GRIK5: variants seen among roughly 807,000 people sequenced by gnomAD.
GRIK5 encodes glutamate receptor ionotropic, kainate 5.
GRIK5 carries 43 observed loss-of-function variants against 97.4 expected under a neutral mutation model. The observed-to-expected ratio is 0.44, with a 90% CI of 0.35 to 0.57. The LOEUF (loss-of-function observed/expected upper bound fraction) is 0.57. Ranked by LOEUF, GRIK5 falls within the 20% of genes least tolerant of loss-of-function variation. The probability of loss-of-function intolerance (pLI) is 0.01; values close to 1 mark genes in which losing one functional copy is unlikely to be tolerated. For missense variants in GRIK5, 1,015 were observed against 1,382.0 expected (o/e 0.73, Z 4.21); for synonymous variants, 580 against 583.5 (o/e 0.99, Z 0.09).
At chr19:42,045,868 A>G (rs1424806330) in intron 11 of GRIK5, among the ~76,000 whole-genome samples, 1 of 152,154 alleles carries the variant, frequency 6.6e-6, no homozygotes, top group East Asian at 1.9e-4. Context: ...AGTGGCTGAG[A>G]AGGACAAGTT....
chr19:42,013,472 C>T (rs1234599674), intron 15 of GRIK5, among the ~76,000 whole-genome samples: 1 of 127,718 alleles, frequency 7.8e-6, no homozygotes, highest in Non-Finnish European at 1.5e-5. Flanking sequence ...TGCAGTGGGG[C>T]GATCTCGGCT....
At chr19:42,048,631 AT>A (rs771851932) in intron 11 of GRIK5, among the ~76,000 whole-genome samples, 47 of 152,182 alleles carry the variant, frequency 3.1e-4, no homozygotes, top group African/African-American at 1.1e-3. Context: ...AAATAAAAAA[AT>A]AAACAAATAA....
At chr19:42,061,290 C>A (rs150667313) in intron 5 of GRIK5, among the ~76,000 whole-genome samples, 24 of 152,296 alleles carry the variant, frequency 1.6e-4, no homozygotes, top group Non-Finnish European at 3.4e-4. Flanking sequence ...ATGATTCGCC[C>A]GCCTCGGCCT....
chr19:42,062,564 G>A lies in GRIK5; in HGVS notation c.432C>T (p.Asp144=), dbSNP rs150138839. 4,094 of 1,614,060 alleles carry A rather than the reference G, an allele frequency of 2.5e-3. 12 individuals carry two copies. Among genetic ancestry groups the A allele is most frequent in the Non-Finnish European group, 3.2e-3 (3,822 of 1,180,032 alleles). The part of the protein sequence containing the change: ...ASVSLYPSNE[D]VSLAVSRILK... ...GGATTCGGGAGACCGCCAAGCTGACGTCCTCGTTACTGGGGTACAGGCTGA... is the reference window on the plus strand; with the variant it reads ...GGATTCGGGAGACCGCCAAGCTGACATCCTCGTTACTGGGGTACAGGCTGA... Residue 144 remains aspartate (D), a synonymous_variant, in exon 5 of 20, where the codon GAC becomes GAT. Coordinates refer to ENST00000593562, the MANE Select transcript of GRIK5 (RefSeq NM_002088.5). This position sits in a 1 kb window ranked among gnomAD's most constrained non-coding sequence, Gnocchi z 5.3.
intron 19 of GRIK5, chr19:42,001,910 C>T (rs1555870972): frequency 1.4e-5 from 8 of 564,670 alleles, no homozygotes; most frequent in Admixed American, 9.9e-5. Context: ...GGAGAAAGAC[C>T]GAGAAGAGAA....
Position 42,002,003 on chromosome 19 carries a change from G to T in GRIK5, c.2514+1329C>A. 1 of 621,440 alleles carries T rather than the reference G, an allele frequency of 1.6e-6. No homozygotes were observed. The allele number at this position is 621,440 out of a possible 1,614,324, so 38.5% of individuals were successfully genotyped here. A position where few individuals can be genotyped will look rare whatever the true frequency, so the allele number is the denominator to read the frequency against. On this transcript the variant is annotated intron_variant, in intron 19 of 19. Transcript: ENST00000593562. The surrounding 1 kb of genome is among the most constrained non-coding windows in gnomAD (Gnocchi z 5.2). ...AAACCCAACGAGGGAGCCTGGGAAGGAGTGACCGGAGAAGTGGGAGAAGGG... is the reference window on the plus strand; with the variant it reads ...AAACCCAACGAGGGAGCCTGGGAAGTAGTGACCGGAGAAGTGGGAGAAGGG...
chr19:42,068,533 G>A (rs2076373743), intron 1 of GRIK5: 2 of 397,400 alleles, frequency 5.0e-6, no homozygotes, highest in Non-Finnish European at 8.9e-6. Flanking sequence ...GGGGGAAAGA[G>A]GTGGAAAAGT....
intron 7 of GRIK5, 21 bp from the exon 8 acceptor site, chr19:42,056,844 T>C (rs1281377414): frequency 1.2e-6 from 2 of 1,613,740 alleles, no homozygotes; most frequent in African/African-American, 1.3e-5. Flanking sequence ...GAAGAGGTGG[T>C]GAGGCCTGGG....
intron 11 of GRIK5, among the ~76,000 whole-genome samples, chr19:42,047,461 G>A (rs1238360698): frequency 6.6e-6 from 1 of 151,922 alleles, no homozygotes; most frequent in African/African-American, 2.4e-5. Context: ...AAAACTGGGG[G>A]TTTACCCTGC....
chr19:42,000,466 A>G (rs941372224), intron 19 of GRIK5, among the ~76,000 whole-genome samples: 3 of 152,216 alleles, frequency 2.0e-5, no homozygotes, highest in Non-Finnish European at 2.9e-5. Flanking sequence ...AAGCTCCAAT[A>G]TTTTGGCCCG....
rs1039403770 is a variant in GRIK5, at chr19:42,002,254, G to C, written c.2514+1078C>G. 4.2e-6 allele frequency: 3 copies of C among 717,672 alleles called. No homozygotes were observed. The Admixed American group carries it at 6.0e-5, about 14-fold the overall frequency. The allele number at this position is 717,672 out of a possible 1,614,324, so 44.5% of individuals were successfully genotyped here. A position where few individuals can be genotyped will look rare whatever the true frequency, so the allele number is the denominator to read the frequency against. ...AGGGAGACCCCCCACTGCTGCCAAG[G>C]CTGTAAAGAGAAGGGAAGAAAGTGG... On this transcript the variant is annotated intron_variant, in intron 19 of 19. Transcript: ENST00000593562. The surrounding 1 kb of genome is among the most constrained non-coding windows in gnomAD (Gnocchi z 5.2).
At chr19:42,027,639 C>A (rs1324254915) in intron 12 of GRIK5, among the ~76,000 whole-genome samples, 1 of 152,102 alleles carries the variant, frequency 6.6e-6, no homozygotes, top group Non-Finnish European at 1.5e-5. Flanking sequence ...ACTGCAGATG[C>A]CCATCACAGT....
Position 42,003,332 on chromosome 19 carries a change from C to T in GRIK5, c.2514G>A (p.Glu838=). The T allele has an allele frequency of 6.2e-7, 1 of 1,612,398 alleles. No individual in the cohort carries two copies. Among genetic ancestry groups the T allele is most frequent in the Non-Finnish European group, 8.5e-7 (1 of 1,179,306 alleles). ...WSTRRSAESE[E]VSVCQEMLQE... ...CCACCCCCACCCCCAGCCTCCTCAC[C>T]TCCTCGGACTCAGCTGACCTCCGTG... The change falls in exon 19 of 20, where the codon GAG becomes GAA. Residue 838 remains glutamate, a splice_region_variant and synonymous_variant. Coordinates refer to ENST00000593562, the MANE Select transcript of GRIK5 (RefSeq NM_002088.5). The surrounding 1 kb of genome is among the most constrained non-coding windows in gnomAD (Gnocchi z 4.2).
intron 9 of GRIK5, 101 bp downstream of exon 9, chr19:42,054,219 G>A: frequency 7.8e-7 from 1 of 1,283,456 alleles, no homozygotes; most frequent in Non-Finnish European, 1.1e-6. Context: ...GGTACGGTGG[G>A]AAGAGCAGGG....
At chr19:42,048,137 C>T (rs766393452) in intron 11 of GRIK5, among the ~76,000 whole-genome samples, 6 of 151,904 alleles carry the variant, frequency 3.9e-5, no homozygotes, top group Non-Finnish European at 5.9e-5. Context: ...GGGGTATACA[C>T]GGAATTCTTA....
At chr19:42,026,013 C>T (rs1345426585) in intron 12 of GRIK5, among the ~76,000 whole-genome samples, 3 of 152,188 alleles carry the variant, frequency 2.0e-5, no homozygotes, top group Non-Finnish European at 4.4e-5. Flanking sequence ...TTTTTAGAGA[C>T]AGTGTCTTGC....
intron 3 of GRIK5, among the ~76,000 whole-genome samples, chr19:42,063,945 T>C (rs1387591352): frequency 6.6e-6 from 1 of 152,208 alleles, no homozygotes; most frequent in Non-Finnish European, 1.5e-5. Context: ...TCCTCCAAAC[T>C]GGCTCCTTCT....
At position 42,050,487 on chromosome 19, in the gene GRIK5, G is replaced by A. The variant is rs368483171; in HGVS notation, c.1269+3115C>T. Among the ~76,000 whole-genome samples the A allele has an allele frequency of 8.6e-5, 13 of 151,690 alleles. No individual in the cohort carries two copies. In the East Asian group the frequency reaches 9.8e-4, roughly 11 times the overall value. On this transcript the variant is annotated intron_variant, in intron 11 of 19. Transcript: ENST00000593562. Reference sequence around the variant, plus strand: ...ATCCTGGCTAACACGGTGAAACCCCGTCTCTACTAAAAATACAAAAAAAAG... The same window carrying A: ...ATCCTGGCTAACACGGTGAAACCCCATCTCTACTAAAAATACAAAAAAAAG...
At chr19:42,050,906 A>T (rs2076106627) in intron 11 of GRIK5, among the ~76,000 whole-genome samples, 1 of 152,016 alleles carries the variant, frequency 6.6e-6, no homozygotes, top group Non-Finnish European at 1.5e-5. Flanking sequence ...GTGCTCTCAC[A>T]CGTACCTTGG....
Sources: gnomAD v4.1 joint callset for allele counts (sites outside exome capture counted in the v4.1 genomes callset) on GRCh38, gnomAD v4.1.1 for gene constraint, Gnocchi (gnomAD v3.1) non-coding constraint, MANE v1.5 for transcripts, NCBI Gene and HGNC (gene_info 2026-07-23, HGNC 2026-07-21) for gene names.